The following PKP2 variants were observed in gnomAD, a reference collection of about 807,000 sequenced individuals.
PKP2 encodes plakophilin-2.
A neutral mutation model predicts 83.4 loss-of-function variants in PKP2; 73 were observed. That is an observed-to-expected ratio of 0.88 (90% confidence interval 0.72 to 1.06). PKP2 has a LOEUF of 1.06. Ranked by LOEUF, PKP2 falls within the 50% of genes least tolerant of loss-of-function variation. PKP2 has a pLI of 0.00. For missense variants in PKP2, 966 were observed against 1,065.4 expected (o/e 0.91, Z 1.30); for synonymous variants, 409 against 430.4 (o/e 0.95, Z 0.62).
intron 11 of PKP2, among the ~76,000 whole-genome samples, chr12:32,793,457 A>C (rs1956091281): frequency 6.6e-6 from 1 of 151,968 alleles, no homozygotes. Context: ...TGTAGGAGTA[A>C]TTTTTCAAGT....
At chr12:32,869,152 T>TG in intron 3 of PKP2, 90 bp from the exon 4 acceptor site, 1 of 1,430,338 alleles carries the variant, frequency 7.0e-7, no homozygotes, top group South Asian at 1.1e-5. Context: ...CAGCGAATAC[T>TG]GGGAAGCACT....
rs988374560 is a variant in PKP2 at position 32,875,433 on chromosome 12, T to C, written c.1034+2413A>G. Among the ~76,000 whole-genome samples, 3 of 152,060 alleles carry C rather than the reference T, an allele frequency of 2.0e-5. No individual in the cohort carries two copies. In the East Asian group the frequency reaches 5.8e-4, roughly 29 times the overall value. On this transcript the variant is annotated intron_variant, in intron 3 of 12. Coordinates refer to ENST00000340811, the MANE Select transcript of PKP2 (RefSeq NM_001005242.3). ...TCCAGGTGGTTTGGGTATTGGTATG[T>C]GGGTATGTTTGGGGATGGTGGTGAT...
At chr12:32,820,627 A>C (rs1206199912) in intron 9 of PKP2, 2 of 152,322 alleles carry the variant, frequency 1.3e-5, no homozygotes, top group African/African-American at 2.4e-5. Flanking sequence ...CTTTGGTAGT[A>C]ACAGTCTCAT....
chr12:32,799,018 G>A (rs1268603730), intron 10 of PKP2, among the ~76,000 whole-genome samples: 3 of 152,110 alleles, frequency 2.0e-5, no homozygotes, highest in Non-Finnish European at 2.9e-5. Flanking sequence ...AACTGCATTC[G>A]ACAAAGGACT....
intron 6 of PKP2, among the ~76,000 whole-genome samples, chr12:32,830,636 GT>G (rs1956490729): frequency 6.6e-6 from 1 of 152,116 alleles, no homozygotes; most frequent in Non-Finnish European, 1.5e-5. Context: ...GCCAGGCACG[GT>G]GGCTCATGCC....
intron 6 of PKP2, among the ~76,000 whole-genome samples, chr12:32,834,607 C>T (rs948552172): frequency 1.3e-5 from 2 of 152,106 alleles, no homozygotes; most frequent in Admixed American, 6.5e-5. Flanking sequence ...TGGTCTTACA[C>T]CTGCCCACTT....
In PKP2 at chr12:32,796,308, G is replaced by GAAAAAAAAA; in HGVS notation, c.2168-19_2168-11dup. The GAAAAAAAAA allele has an allele frequency of 7.1e-7, 1 of 1,415,878 alleles. No individual in the cohort carries two copies. Among genetic ancestry groups the GAAAAAAAAA allele is most frequent in the Admixed American group, 1.9e-5 (1 of 51,700 alleles). The allele number at this position is 1,415,878 out of a possible 1,614,324, so 87.7% of individuals were successfully genotyped here. ...GGGAGAGTTTCTTTGGCTACAAAAT[G>GAAAAAAAAA]AAAAAAAAAACAAAACACTTGATTA... On this transcript the variant is annotated splice_polypyrimidine_tract_variant and intron_variant, in intron 10 of 12. Transcript: ENST00000340811.
At position 32,821,377 on chromosome 12, in the gene PKP2, G is replaced by T. The variant is rs1209554981; in HGVS notation, c.1992C>A (p.Asn664Lys). The T allele has an allele frequency of 6.2e-7, 1 of 1,614,124 alleles. No homozygotes were observed. The highest frequency in any genetic ancestry group is 2.2e-5 in the East Asian group (1 of 44,876). Reference protein sequence around the residue: ...TQEASLGALQNLTAGSGPMPT... With the variant: ...TQEASLGALQKLTAGSGPMPT... The stretch of plus-strand genomic sequence containing the variant: ...TCACTGGTCCACTTCCGGCCGTGAG[G>T]TTCTGCAGAGCTCCTAAGGATGCTT... The change falls in exon 9 of 13, where the codon AAC becomes AAA. Residue 664 changes from asparagine to lysine, a missense_variant. Coordinates refer to ENST00000340811, the MANE Select transcript of PKP2 (RefSeq NM_001005242.3).
chr12:32,882,019 G>A (rs1237123821), intron 1 of PKP2, among the ~76,000 whole-genome samples: 1 of 152,164 alleles, frequency 6.6e-6, no homozygotes, highest in Non-Finnish European at 1.5e-5. Context: ...GGAATATGCA[G>A]AAAGGGGAAG....
intron 6 of PKP2, chr12:32,824,511 A>C: frequency 3.5e-6 from 1 of 281,804 alleles, no homozygotes; most frequent in Non-Finnish European, 6.9e-6. Flanking sequence ...AGACATTATA[A>C]TATACTGGAT....
chr12:32,858,111 A>ATT (rs1956769603), intron 4 of PKP2, among the ~76,000 whole-genome samples: 22 of 91,480 alleles, frequency 2.4e-4, no homozygotes, highest in African/African-American at 9.3e-4. Context: ...ATATATATAT[A>ATT]TATATTTATA....
Position 32,869,076 on chromosome 12 carries a change from C to T in PKP2, c.1035-14G>A, listed in dbSNP as rs1456058095. On this transcript the variant is annotated splice_polypyrimidine_tract_variant and intron_variant, in intron 3 of 12. Coordinates refer to ENST00000340811, the MANE Select transcript of PKP2 (RefSeq NM_001005242.3). ...ATGTCTGCATTCCTAGACAAACAGGCACAGATTCAGCCAGATTCCAAACCT... is the reference window on the plus strand; with the variant it reads ...ATGTCTGCATTCCTAGACAAACAGGTACAGATTCAGCCAGATTCCAAACCT... 1 of 1,613,630 alleles carries T rather than the reference C, an allele frequency of 6.2e-7. No individual in the cohort carries two copies. The highest frequency in any genetic ancestry group is 1.7e-5 in the Admixed American group (1 of 60,014).
chr12:32,882,578 A>G (rs933436586), intron 1 of PKP2, among the ~76,000 whole-genome samples: 1 of 152,244 alleles, frequency 6.6e-6, no homozygotes, highest in African/African-American at 2.4e-5. Context: ...AGTGAGATTT[A>G]TAATCAGGTT....
At chr12:32,877,331 C>T (rs1956940680) in intron 3 of PKP2, among the ~76,000 whole-genome samples, 1 of 152,058 alleles carries the variant, frequency 6.6e-6, no homozygotes, top group African/African-American at 2.4e-5. Context: ...AAAGAATACC[C>T]CTTCAAATCA....
At chr12:32,840,096 A>G (rs1417609579) in intron 6 of PKP2, among the ~76,000 whole-genome samples, 1 of 152,166 alleles carries the variant, frequency 6.6e-6, no homozygotes, top group Non-Finnish European at 1.5e-5. Context: ...GAGGCTTGTT[A>G]AAACTAGATT....
chr12:32,793,720 G>A (rs776216794), intron 11 of PKP2, among the ~76,000 whole-genome samples: 10 of 137,762 alleles, frequency 7.3e-5, no homozygotes, highest in South Asian at 2.4e-4. Context: ...CTCAGCCTCC[G>A]AAGTAGCTGG....
intron 6 of PKP2, among the ~76,000 whole-genome samples, chr12:32,834,581 C>G (rs1293013646): frequency 6.6e-6 from 1 of 152,074 alleles, no homozygotes; most frequent in Non-Finnish European, 1.5e-5. Context: ...TCTGATGGAG[C>G]CCCTACCATT....
At chr12:32,893,969 G>A (rs1181568049) in intron 1 of PKP2, 1 of 145,382 alleles carries the variant, frequency 6.9e-6, no homozygotes, top group East Asian at 2.0e-4. Flanking sequence ...GCTCAGGCTG[G>A]AGTGCAATGG....
chr12:32,807,427 A>C (rs1425443965), intron 9 of PKP2, among the ~76,000 whole-genome samples: 1 of 152,134 alleles, frequency 6.6e-6, no homozygotes, highest in East Asian at 1.9e-4. Context: ...GTGTCTTTGC[A>C]TGTGAGATGG....
Sources: gnomAD v4.1 joint callset for allele counts (sites outside exome capture counted in the v4.1 genomes callset) on GRCh38, gnomAD v4.1.1 for gene constraint, MANE v1.5 for transcripts, NCBI Gene and HGNC (gene_info 2026-07-23, HGNC 2026-07-21) for gene names.